Variants in MBOAT2 observed in about 807,000 individuals in gnomAD.
MBOAT2 encodes the protein membrane bound glycerophospholipid O-acyltransferase 2.
MBOAT2 carries 28 observed loss-of-function variants against 63.4 expected under a neutral mutation model. The observed-to-expected ratio is 0.44, with a 90% CI of 0.33 to 0.61. The LOEUF (loss-of-function observed/expected upper bound fraction) is 0.61, where lower values mean the gene tolerates loss of function less well. Ranked by LOEUF, MBOAT2 falls within the 20% of genes least tolerant of loss-of-function variation. MBOAT2 has a pLI of 0.03. For synonymous variants in MBOAT2, 211 were observed against 215.6 expected (o/e 0.98, Z 0.19); for missense variants, 470 against 605.8 (o/e 0.78, Z 2.35).
intron 1 of MBOAT2, among the ~76,000 whole-genome samples, chr2:8,985,590 C>T (rs1357529064): frequency 1.3e-5 from 2 of 152,186 alleles, no homozygotes; most frequent in African/African-American, 4.8e-5. Context: ...CCTAGCTTCC[C>T]ATAATTATCT....
chr2:8,877,535 G>T (rs183981663), intron 6 of MBOAT2, among the ~76,000 whole-genome samples: 135 of 152,288 alleles, frequency 8.9e-4, no homozygotes, highest in Middle Eastern at 3.4e-3. Context: ...TAACAAACAC[G>T]TGCTGTGCAC....
At chr2:8,910,130 T>C (rs1665612589) in intron 3 of MBOAT2, among the ~76,000 whole-genome samples, 1 of 152,082 alleles carries the variant, frequency 6.6e-6, no homozygotes, top group African/African-American at 2.4e-5. Context: ...GACCACTGCA[T>C]GTAGAGATTC....
chr2:8,954,054 T>A (rs896137075), intron 2 of MBOAT2, among the ~76,000 whole-genome samples: 2 of 152,236 alleles, frequency 1.3e-5, no homozygotes, highest in African/African-American at 4.8e-5. Context: ...ATTATTTTCA[T>A]GCAGGTAAGA....
At position 8,901,354 on chromosome 2, in the gene MBOAT2, G is replaced by A. The variant is rs895645973; in HGVS notation, c.395+7267C>T. 1.1e-4 allele frequency among the ~76,000 whole-genome samples: 17 copies of A among 151,970 alleles called. No homozygotes were observed. In the South Asian group the frequency reaches 1.9e-3, roughly 17 times the overall value. ...GTCAGATTTAGTGGCCCTTACCGAC[G>A]CATTCTCAAAAACGTGCACCCTTGC... On this transcript the variant is annotated intron_variant, in intron 4 of 12. Coordinates refer to ENST00000305997, the MANE Select transcript of MBOAT2 (RefSeq NM_138799.4).
intron 3 of MBOAT2, among the ~76,000 whole-genome samples, chr2:8,928,717 A>G (rs534712729): frequency 2.6e-5 from 4 of 152,248 alleles, no homozygotes; most frequent in Admixed American, 2.6e-4. Flanking sequence ...TATTTTTACA[A>G]CTCTACTGAA....
In MBOAT2 at chr2:8,858,785, A is replaced by T. The variant is rs372386739; in HGVS notation, c.1457T>A (p.Phe486Tyr). 1 of 1,613,980 alleles carries T rather than the reference A, an allele frequency of 6.2e-7. No homozygotes were observed. The highest frequency in any genetic ancestry group is 1.3e-5 in the African/African-American group (1 of 74,908). ...ENIQLSQSKKFDEGENSLGQN... is the reference protein window; with the variant it reads ...ENIQLSQSKKYDEGENSLGQN... ...TCCCAAAGAATTTTCTCCTTCATCA[A>T]ACTTTTTGGATTGTGAGAGCTGAAT... Residue 486 changes from phenylalanine (F) to tyrosine (Y), a missense_variant, in exon 13 of 13, where the codon TTT (phenylalanine) becomes TAT (tyrosine). Physicochemically the swap from Phe to Tyr is conservative, Grantham distance 22. Coordinates refer to ENST00000305997, the MANE Select transcript of MBOAT2 (RefSeq NM_138799.4).
rs192793440 is a variant in MBOAT2 at position 8,918,775 on chromosome 2, G to A, written c.300-10059C>T. ...AGCCTTTTTATTAAACAGCTTTATT[G>A]AGGTATAATTCACACACCATGAAAT... On this transcript the variant is annotated intron_variant, in intron 3 of 12. Transcript: ENST00000305997. 1.4e-4 allele frequency among the ~76,000 whole-genome samples: 22 copies of A among 152,252 alleles called. 1 individual carries two copies. In the East Asian group the frequency reaches 4.0e-3, roughly 28 times the overall value.
chr2:8,918,050 T>C (rs780092684), intron 3 of MBOAT2, among the ~76,000 whole-genome samples: 8 of 152,132 alleles, frequency 5.3e-5, no homozygotes, highest in East Asian at 1.9e-4. Context: ...AAGCAGATCA[T>C]TGGTTGCAGG....
chr2:8,947,376 AG>A (rs1160614754), intron 2 of MBOAT2, among the ~76,000 whole-genome samples: 1 of 152,236 alleles, frequency 6.6e-6, no homozygotes, highest in Non-Finnish European at 1.5e-5. Flanking sequence ...TAGATGCTGC[AG>A]CAAGTTACCC....
intron 1 of MBOAT2, among the ~76,000 whole-genome samples, chr2:8,962,527 C>T (rs945629502): frequency 2.2e-4 from 34 of 152,154 alleles, no homozygotes; most frequent in Non-Finnish European, 4.4e-4. Context: ...CAGAGTTGTT[C>T]TATCTGCAAT....
At chr2:8,918,921 TA>T (rs1016785279) in intron 3 of MBOAT2, among the ~76,000 whole-genome samples, 13 of 152,198 alleles carry the variant, frequency 8.5e-5, no homozygotes, top group African/African-American at 3.1e-4. Flanking sequence ...TCCCTAATTG[TA>T]CCCTCAACCC....
chr2:8,988,923 G>C (rs2103356335), intron 1 of MBOAT2, among the ~76,000 whole-genome samples: 1 of 152,258 alleles, frequency 6.6e-6, no homozygotes, highest in East Asian at 1.9e-4. Context: ...AAAGAAAACT[G>C]GAGTATCTAA....
intron 4 of MBOAT2, among the ~76,000 whole-genome samples, chr2:8,889,745 A>G (rs1281706786): frequency 6.6e-6 from 1 of 152,252 alleles, no homozygotes; most frequent in Non-Finnish European, 1.5e-5. Context: ...GTAACAACTG[A>G]TAAAATAATT....
At chr2:8,921,568 G>A (rs900021863) in intron 3 of MBOAT2, among the ~76,000 whole-genome samples, 1 of 151,942 alleles carries the variant, frequency 6.6e-6, no homozygotes. Context: ...ACTTCCTTTC[G>A]ACCTTAAGGA....
chr2:8,995,338 C>T (rs1255967956), intron 1 of MBOAT2, among the ~76,000 whole-genome samples: 5 of 152,192 alleles, frequency 3.3e-5, no homozygotes, highest in South Asian at 2.1e-4. Context: ...CAAATGTAGA[C>T]GTTCAACATT....
At chr2:8,931,731 A>G (rs182771387) in intron 3 of MBOAT2, among the ~76,000 whole-genome samples, 12 of 152,284 alleles carry the variant, frequency 7.9e-5, no homozygotes, top group Middle Eastern at 3.4e-3. Flanking sequence ...TTTACATTTA[A>G]GTCTTTAATC....
At chr2:8,923,587 T>C (rs1459456492) in intron 3 of MBOAT2, among the ~76,000 whole-genome samples, 2 of 152,150 alleles carry the variant, frequency 1.3e-5, no homozygotes, top group African/African-American at 2.4e-5. Flanking sequence ...TATTAAACTC[T>C]TTCTTTGCTA....
intron 4 of MBOAT2, among the ~76,000 whole-genome samples, chr2:8,900,904 G>T (rs1558592104): frequency 6.6e-6 from 1 of 152,100 alleles, no homozygotes; most frequent in East Asian, 1.9e-4. Context: ...CTGTAGTGCA[G>T]AAAAAAATGA....
chr2:8,900,446 T>C (rs1664829983), intron 4 of MBOAT2, among the ~76,000 whole-genome samples: 1 of 152,192 alleles, frequency 6.6e-6, no homozygotes, highest in South Asian at 2.1e-4. Flanking sequence ...ATCAGGATCA[T>C]CTGAAAACTT....
Sources: allele counts gnomAD v4.1 joint callset (sites outside exome capture counted in the v4.1 genomes callset), GRCh38; gene constraint gnomAD v4.1.1; transcripts MANE v1.5; gene names NCBI Gene and HGNC (gene_info 2026-07-23, HGNC 2026-07-21).